FOXP1: variants seen among roughly 807,000 people sequenced by gnomAD.
FOXP1 encodes the protein forkhead box P1.
A neutral mutation model predicts 98.2 loss-of-function variants in FOXP1; 15 were observed. The ratio of observed to expected loss-of-function variants is 0.15; its 90% confidence interval spans 0.10 to 0.24. The LOEUF (loss-of-function observed/expected upper bound fraction) is 0.24. Ranked by LOEUF, FOXP1 falls within the 10% of genes least tolerant of loss-of-function variation. The pLI is 1.00. For missense variants in FOXP1, 633 were observed against 848.5 expected (o/e 0.75, Z 3.15); for synonymous variants, 371 against 314.5 (o/e 1.18, Z -1.90).
In FOXP1 at chr3:71,198,315, T is replaced by C. The variant is rs2063429307; in HGVS notation, c.67A>G (p.Ser23Gly). The C allele has an allele frequency of 6.2e-7, 1 of 1,613,180 alleles. No homozygotes were observed. Among genetic ancestry groups the C allele is most frequent in the Admixed American group, 1.7e-5 (1 of 59,890 alleles). Residue 23 changes from serine to glycine, a missense_variant, in exon 6 of 21, where the codon AGC (serine) becomes GGC (glycine). Ser to Gly is a moderately conservative substitution (Grantham distance 56). This residue lies in a region of FOXP1 where 103 missense variants were observed against 85.5 expected (regional missense o/e 1.20). Coordinates refer to ENST00000649528, the MANE Select transcript of FOXP1 (RefSeq NM_001349338.3). The part of the protein sequence containing the change: ...GSAIQNGSGG[S>G]NHLLECGGLR... ...CCGCCGCACTCTAGTAAGTGGTTGC[T>C]GCCGCCCGACCCATTCTGGATGGCT...
chr3:71,451,973 T>C (rs1255032969), intron 3 of FOXP1, among the ~76,000 whole-genome samples: 2 of 152,180 alleles, frequency 1.3e-5, no homozygotes, highest in African/African-American at 4.8e-5. Context: ...TAGAGTGCAG[T>C]GTTTCAAGAA....
At chr3:71,042,227 T>C (rs907968776) in intron 10 of FOXP1, among the ~76,000 whole-genome samples, 1 of 152,216 alleles carries the variant, frequency 6.6e-6, no homozygotes, top group African/African-American at 2.4e-5. Flanking sequence ...AGATCAATGG[T>C]AATGAACCAT....
chr3:71,404,109 C>CTTTTA (rs796821398), intron 3 of FOXP1, among the ~76,000 whole-genome samples: 5 of 70,918 alleles, frequency 7.1e-5, no homozygotes, highest in African/African-American at 2.2e-4. Context: ...GGGTTTTTTT[C>CTTTTA]TTTTCTTTTT....
intron 2 of FOXP1, among the ~76,000 whole-genome samples, chr3:71,497,392 A>C (rs1168829096): frequency 1.3e-5 from 2 of 152,336 alleles, no homozygotes; most frequent in East Asian, 3.9e-4. Flanking sequence ...CAACTTGTGA[A>C]GTAGAGTAAG....
At chr3:71,356,213 CAAA>C (rs3064928) in intron 4 of FOXP1, among the ~76,000 whole-genome samples, 35 of 75,344 alleles carry the variant, frequency 4.6e-4, no homozygotes, top group East Asian at 1.1e-3. Flanking sequence ...CTGACTAAGT[CAAA>C]AAAAAAAAAA....
At chr3:71,029,064 T>C (rs753707563) in intron 11 of FOXP1, among the ~76,000 whole-genome samples, 1 of 152,186 alleles carries the variant, frequency 6.6e-6, no homozygotes, top group Non-Finnish European at 1.5e-5. Flanking sequence ...TAACAGACCA[T>C]AGACCAGTAC....
chr3:71,063,711 T>A (rs538525447), intron 7 of FOXP1, among the ~76,000 whole-genome samples: 1 of 152,364 alleles, frequency 6.6e-6, no homozygotes, highest in South Asian at 2.1e-4. Context: ...CATGTGTCAC[T>A]TTTAGAATGC....
chr3:71,156,259 T>C (rs1284164435), intron 6 of FOXP1, among the ~76,000 whole-genome samples: 1 of 152,022 alleles, frequency 6.6e-6, no homozygotes, highest in African/African-American at 2.4e-5. Context: ...GAATGAAGGA[T>C]GGGTCCTCTT....
chr3:71,554,705 T>G (rs548775204), intron 2 of FOXP1, among the ~76,000 whole-genome samples: 1 of 152,234 alleles, frequency 6.6e-6, no homozygotes, highest in Non-Finnish European at 1.5e-5. Flanking sequence ...TTTAAAAATG[T>G]TAGAATCCAA....
intron 3 of FOXP1, among the ~76,000 whole-genome samples, chr3:71,436,504 AT>A (rs1437968748): frequency 1.3e-5 from 2 of 152,034 alleles, no homozygotes; most frequent in Non-Finnish European, 2.9e-5. Flanking sequence ...CCCTATAAAC[AT>A]GACTCACTCT....
chr3:71,161,116 T>C (rs574115620), intron 6 of FOXP1, among the ~76,000 whole-genome samples: 13 of 152,232 alleles, frequency 8.5e-5, no homozygotes, highest in Non-Finnish European at 1.6e-4. Context: ...TAAGAAAATG[T>C]AGAATAAGAA....
At chr3:71,336,689 C>T (rs529212051) in intron 4 of FOXP1, among the ~76,000 whole-genome samples, 6 of 152,260 alleles carry the variant, frequency 3.9e-5, no homozygotes, top group African/African-American at 7.2e-5. Flanking sequence ...AGAATATCAC[C>T]GTGTTGCATC....
chr3:71,024,599 C>T (rs1422485616), intron 11 of FOXP1, among the ~76,000 whole-genome samples: 1 of 152,190 alleles, frequency 6.6e-6, no homozygotes, highest in Non-Finnish European at 1.5e-5. Flanking sequence ...CCCCAGAACG[C>T]TCATCATCTC....
intron 6 of FOXP1, among the ~76,000 whole-genome samples, chr3:71,192,450 G>A (rs572669259): frequency 6.6e-6 from 1 of 152,124 alleles, no homozygotes; most frequent in Admixed American, 6.6e-5. Flanking sequence ...ATCCAGTGGT[G>A]GTTGCTGCCA....
chr3:70,959,813 A>T (rs1430999636), intron 20 of FOXP1, among the ~76,000 whole-genome samples: 1 of 152,076 alleles, frequency 6.6e-6, no homozygotes, highest in Non-Finnish European at 1.5e-5. Flanking sequence ...GCAGTGTGTG[A>T]TTCAGGTCTG....
intron 7 of FOXP1, among the ~76,000 whole-genome samples, chr3:71,090,648 A>C (rs73119684): frequency 0.19 from 29,029 of 152,150 alleles, 3,558 homozygotes; most frequent in East Asian, 0.49. Flanking sequence ...CTGCCTCCTT[A>C]AGAGTGCAGG....
intron 17 of FOXP1, 73 bp downstream of exon 17, chr3:70,976,868 A>G (rs936325263): frequency 1.4e-5 from 15 of 1,085,282 alleles, no homozygotes; most frequent in Middle Eastern, 2.0e-4. Flanking sequence ...TTATAGCACA[A>G]CTGCATTTTA....
At chr3:71,018,469 T>A (rs1576199809) in intron 11 of FOXP1, among the ~76,000 whole-genome samples, 1 of 152,186 alleles carries the variant, frequency 6.6e-6, no homozygotes, top group African/African-American at 2.4e-5. Context: ...ACTGCAGTGG[T>A]TCCCGAAGGA....
chr3:71,325,649 GTAT>G (rs10575337), intron 4 of FOXP1, among the ~76,000 whole-genome samples: 5,511 of 147,986 alleles, frequency 0.037, 202 homozygotes, highest in East Asian at 0.14. Context: ...TCCTACAAAT[GTAT>G]TATTATTATT....
Sources: allele counts gnomAD v4.1 joint callset (sites outside exome capture counted in the v4.1 genomes callset), GRCh38; gene constraint gnomAD v4.1.1; regional missense constraint gnomAD v4.1.1; transcripts MANE v1.5; gene names NCBI Gene and HGNC (gene_info 2026-07-23, HGNC 2026-07-21).